The following TTC28 variants were observed in gnomAD, a reference collection of about 807,000 sequenced individuals.
The protein encoded by TTC28 is tetratricopeptide repeat protein 28.
TTC28 carries 61 observed loss-of-function variants against 198.0 expected under a neutral mutation model. The observed-to-expected ratio is 0.31, with a 90% CI of 0.25 to 0.38. The LOEUF is 0.38. TTC28 is among the 10% of genes least tolerant of loss of function. The probability of loss-of-function intolerance (pLI) is 1.00; values close to 1 mark genes in which losing one functional copy is unlikely to be tolerated. For synonymous variants in TTC28, 1,171 were observed against 1,297.8 expected (o/e 0.90, Z 2.10); for missense variants, 2,678 against 3,164.0 (o/e 0.85, Z 3.69).
intron 2 of TTC28, among the ~76,000 whole-genome samples, chr22:28,426,166 C>T (rs1047016231): frequency 2.7e-5 from 4 of 145,528 alleles, no homozygotes; most frequent in East Asian, 2.0e-4. Context: ...GAGCTGAGAT[C>T]GCAACACTGC....
At chr22:28,306,745 G>T in intron 2 of TTC28, 102 bp from the exon 3 acceptor site, 1 of 1,265,640 alleles carries the variant, frequency 7.9e-7, no homozygotes, top group Non-Finnish European at 1.1e-6. Flanking sequence ...AGATTGAGAT[G>T]TACTTGATTT....
At chr22:28,417,394 A>T (rs1379934153) in intron 2 of TTC28, among the ~76,000 whole-genome samples, 1 of 151,610 alleles carries the variant, frequency 6.6e-6, no homozygotes, top group African/African-American at 2.4e-5. Context: ...AGGATTCCTT[A>T]AGCCCGGGAG....
intron 3 of TTC28, among the ~76,000 whole-genome samples, chr22:28,305,201 C>G (rs2045117240): frequency 6.6e-6 from 1 of 151,994 alleles, no homozygotes; most frequent in Non-Finnish European, 1.5e-5. Flanking sequence ...CCGTGTTGGT[C>G]AGGTTGGTCT....
intron 12 of TTC28, among the ~76,000 whole-genome samples, chr22:28,046,534 C>T (rs1006393978): frequency 1.3e-5 from 2 of 152,294 alleles, no homozygotes; most frequent in South Asian, 2.1e-4. Context: ...TTGACCAAAA[C>T]GTCATTATGT....
intron 5 of TTC28, among the ~76,000 whole-genome samples, chr22:28,172,603 T>C: frequency 6.6e-6 from 1 of 152,142 alleles, no homozygotes; most frequent in South Asian, 2.1e-4. Context: ...GAAGGGAATA[T>C]TTGGGCATTT....
At chr22:28,313,309 C>T (rs892686422) in intron 2 of TTC28, among the ~76,000 whole-genome samples, 9 of 152,198 alleles carry the variant, frequency 5.9e-5, no homozygotes, top group African/African-American at 2.2e-4. Context: ...ACCATTGCTT[C>T]TGAAACTATT....
intron 12 of TTC28, among the ~76,000 whole-genome samples, chr22:28,032,833 G>A (rs1403180200): frequency 6.6e-6 from 1 of 152,132 alleles, no homozygotes; most frequent in Non-Finnish European, 1.5e-5. Context: ...CAGGAATTAG[G>A]AGAAACCAGG....
intron 2 of TTC28, among the ~76,000 whole-genome samples, chr22:28,344,999 G>A (rs767763433): frequency 2.0e-5 from 3 of 152,092 alleles, no homozygotes; most frequent in East Asian, 1.9e-4. Flanking sequence ...CTTGCCTCAC[G>A]TCACATCACA....
intron 2 of TTC28, among the ~76,000 whole-genome samples, chr22:28,479,077 C>CA (rs200134231): frequency 1.5e-3 from 216 of 146,764 alleles, no homozygotes; most frequent in African/African-American, 3.1e-3. Flanking sequence ...GTTCAAAGAA[C>CA]AAAAAAAAAA....
chr22:28,511,842 C>T (rs899549283), intron 2 of TTC28, among the ~76,000 whole-genome samples: 2 of 150,914 alleles, frequency 1.3e-5, no homozygotes, highest in Admixed American at 1.3e-4. Context: ...AAAAAAACAC[C>T]AAACCTCTAA....
At position 28,670,704 on chromosome 22, in the gene TTC28, C is replaced by CATATATAT. The variant is rs146059811; in HGVS notation, c.102+8910_102+8917dup. On this transcript the variant is annotated intron_variant, in intron 1 of 22. Coordinates refer to ENST00000397906, the MANE Select transcript of TTC28 (RefSeq NM_001145418.2). ...AACAATTGTTTTGATGTCTTTAGGGCATATATATATATATATATATGAGTG... is the reference window on the plus strand; with the variant it reads ...AACAATTGTTTTGATGTCTTTAGGGCATATATATATATATATATATATATATATGAGTG... Among the ~76,000 whole-genome samples the CATATATAT allele has an allele frequency of 1.6e-4, 21 of 128,596 alleles. 1 individual carries two copies. The highest frequency in any genetic ancestry group is 7.4e-4 in the South Asian group (3 of 4,040). The allele number at this position is 128,596 out of a possible 152,430, so 84.4% of individuals were successfully genotyped here.
intron 6 of TTC28, among the ~76,000 whole-genome samples, chr22:28,120,349 C>A (rs1752703157): frequency 6.6e-6 from 1 of 152,148 alleles, no homozygotes; most frequent in African/African-American, 2.4e-5. Context: ...CTCTCATCTG[C>A]TTTCAACGCC....
At chr22:28,663,329 G>A (rs1771991922) in intron 1 of TTC28, among the ~76,000 whole-genome samples, 1 of 149,808 alleles carries the variant, frequency 6.7e-6, no homozygotes, top group African/African-American at 2.5e-5. Flanking sequence ...CCGGTCTACA[G>A]CTCCCAGCGT....
chr22:28,032,006 C>T (rs1263390652), intron 12 of TTC28, among the ~76,000 whole-genome samples: 1 of 151,640 alleles, frequency 6.6e-6, no homozygotes, highest in Non-Finnish European at 1.5e-5. Context: ...GAAACTTACC[C>T]TACTGGCTTT....
At chr22:28,635,200 A>G (rs995919959) in intron 1 of TTC28, among the ~76,000 whole-genome samples, 2 of 152,120 alleles carry the variant, frequency 1.3e-5, no homozygotes, top group African/African-American at 4.8e-5. Flanking sequence ...GGGCACCTGT[A>G]GTCCCAGCTA....
chr22:28,138,246 T>C (rs546382097), intron 6 of TTC28, among the ~76,000 whole-genome samples: 14 of 152,278 alleles, frequency 9.2e-5, no homozygotes, highest in African/African-American at 3.4e-4. Context: ...CAGAAATCAT[T>C]ATAATTTTGA....
chr22:28,306,357 G>C (rs1485464225), intron 3 of TTC28, 139 bp downstream of exon 3: 17 of 1,022,900 alleles, frequency 1.7e-5, no homozygotes. Flanking sequence ...AGTGATTCTT[G>C]ATCTTCCTTG....
chr22:28,576,595 C>T (rs1391157467), intron 2 of TTC28, among the ~76,000 whole-genome samples: 2 of 152,096 alleles, frequency 1.3e-5, no homozygotes, highest in Non-Finnish European at 2.9e-5. Context: ...TAAAATTCAG[C>T]AGTTAAGCCA....
intron 4 of TTC28, among the ~76,000 whole-genome samples, chr22:28,296,549 C>A (rs918696621): frequency 6.6e-6 from 1 of 152,102 alleles, no homozygotes; most frequent in Non-Finnish European, 1.5e-5. Flanking sequence ...ATTGTCATAA[C>A]ATACAACTGC....
Sources: allele counts gnomAD v4.1 joint callset (sites outside exome capture counted in the v4.1 genomes callset), GRCh38; gene constraint gnomAD v4.1.1; transcripts MANE v1.5; gene names NCBI Gene and HGNC (gene_info 2026-07-23, HGNC 2026-07-21).